LRP4: variants seen among roughly 807,000 people sequenced by gnomAD.
LRP4 encodes LDL receptor related protein 4.
LRP4 carries 95 observed loss-of-function variants against 220.3 expected under a neutral mutation model. The ratio of observed to expected loss-of-function variants is 0.43; its 90% CI spans 0.37 to 0.51. The LOEUF (loss-of-function observed/expected upper bound fraction) is 0.51. Ranked by LOEUF, LRP4 falls within the 20% of genes least tolerant of loss-of-function variation. The pLI, the probability that LRP4 is intolerant of heterozygous loss-of-function variation, is 0.00. For synonymous variants in LRP4, 903 were observed against 954.6 expected (o/e 0.95, Z 1.00); for missense variants, 1,925 against 2,567.0 (o/e 0.75, Z 5.40).
chr11:46,887,286 T>C (rs1346057235), intron 16 of LRP4, among the ~76,000 whole-genome samples: 2 of 152,340 alleles, frequency 1.3e-5, no homozygotes, highest in East Asian at 3.9e-4. Flanking sequence ...CTGACTAATG[T>C]TGCCAAATGT....
At chr11:46,897,099 AC>A (rs1941549365) in intron 7 of LRP4, 105 bp from the exon 8 acceptor site, 1 of 1,422,778 alleles carries the variant, frequency 7.0e-7, no homozygotes, top group African/African-American at 1.4e-5. Flanking sequence ...CACTCTTGAC[AC>A]CGGGATCACA....
intron 15 of LRP4, 200 bp from the exon 16 acceptor site, chr11:46,889,733 TG>T (rs1011673050): frequency 1.2e-6 from 1 of 841,662 alleles, no homozygotes; most frequent in Non-Finnish European, 1.9e-6. Context: ...CTGAATTAGA[TG>T]GGAACGGTGA....
At chr11:46,887,550 T>C (rs998393751) in intron 16 of LRP4, among the ~76,000 whole-genome samples, 1 of 151,084 alleles carries the variant, frequency 6.6e-6, no homozygotes, top group Non-Finnish European at 1.5e-5. Context: ...AATACAAAAT[T>C]CACTGGGCAC....
chr11:46,873,645 T>C lies in LRP4; in HGVS notation c.4230-52A>G, dbSNP rs1940931856. ...GCAACCAGACTGACCCAGAATAGAG[T>C]AGAACTTTAACCCATGTTCCCATAA... On this transcript the variant is annotated intron_variant, in intron 28 of 37. Coordinates refer to ENST00000378623, the MANE Select transcript of LRP4 (RefSeq NM_002334.4). The surrounding 1 kb of genome is among the most constrained non-coding windows in gnomAD (Gnocchi z 4.2). The C allele has an allele frequency of 6.8e-7, 1 of 1,477,076 alleles. No individual in the cohort carries two copies. Among genetic ancestry groups the C allele is most frequent in the East Asian group, 2.3e-5 (1 of 44,038 alleles). The allele number at this position is 1,477,076 out of a possible 1,614,324, so 91.5% of individuals were successfully genotyped here. A position where few individuals can be genotyped will look rare whatever the true frequency, so the allele number is the denominator to read the frequency against.
intron 11 of LRP4, 53 bp from the exon 12 acceptor site, chr11:46,894,872 G>T: frequency 1.4e-6 from 2 of 1,474,888 alleles, no homozygotes; most frequent in Non-Finnish European, 1.9e-6. Flanking sequence ...GCCGCCCCTG[G>T]TACCCATCAG....
At chr11:46,876,417 A>C in intron 25 of LRP4, 49 bp downstream of exon 25, 1 of 1,609,978 alleles carries the variant, frequency 6.2e-7, no homozygotes. Context: ...TCATAACCCC[A>C]GCTGAGCTGG....
At chr11:46,916,999 G>A (rs1357389434) in intron 1 of LRP4, among the ~76,000 whole-genome samples, 1 of 152,226 alleles carries the variant, frequency 6.6e-6, no homozygotes, top group Non-Finnish European at 1.5e-5. Context: ...ACCGCTCTTC[G>A]GAGAGAAAGA....
chr11:46,917,271 T>C (rs1384668864), intron 1 of LRP4, among the ~76,000 whole-genome samples: 1 of 152,154 alleles, frequency 6.6e-6, no homozygotes, highest in Non-Finnish European at 1.5e-5. Context: ...CCAGCTCCCT[T>C]CATCGGGGCT....
In LRP4 at chr11:46,879,172, C is replaced by T. The variant is rs541593593; in HGVS notation, c.2958G>A (p.Leu986=). The T allele has an allele frequency of 1.2e-5, 19 of 1,614,218 alleles. No homozygotes were observed. Among genetic ancestry groups the T allele is most frequent in the Non-Finnish European group, 1.4e-5 (17 of 1,180,042 alleles). The part of the protein sequence containing the change: ...GLDRETLQEN[L]ENLMDIHVFH... ...AGACATGGATGTCCATTAGGTTTTC[C>T]AGGTTCTCCTGCAGAGTCTCCCGGT... The change falls in exon 21 of 38, where the codon CTG becomes CTA. Residue 986 remains leucine, a synonymous_variant. Transcript: ENST00000378623.
chr11:46,873,175 C>G lies in LRP4; in HGVS notation c.4508G>C (p.Gly1503Ala). 1 of 1,614,210 alleles carries G rather than the reference C, an allele frequency of 6.2e-7. No homozygotes were observed. The highest frequency in any genetic ancestry group is 8.5e-7 in the Non-Finnish European group (1 of 1,180,048). ...GTTGATGAGGACCTTCCGCTCAGAA[C>G]CATCCAAGTTTGCCCGTTCGATCTT... is the stretch of plus-strand genomic sequence containing the variant. Reference protein sequence around the residue: ...IAKIERANLDGSERKVLINTD... With the variant: ...IAKIERANLDASERKVLINTD... Residue 1503 changes from glycine to alanine, a missense_variant, in exon 30 of 38, where the codon GGT (glycine) becomes GCT (alanine). This residue lies in a region of LRP4 where 1,244 missense variants were observed against 1,624.9 expected (regional missense o/e 0.77). Transcript: ENST00000378623. This position sits in a 1 kb window ranked among gnomAD's most constrained non-coding sequence, Gnocchi z 4.2.
rs1384548998 is a variant in LRP4, at chr11:46,894,663, AG to A, written c.1465del (p.Leu489TrpfsTer322). On this transcript the variant is annotated frameshift_variant, in exon 12 of 38. Coordinates refer to ENST00000378623, the MANE Select transcript of LRP4 (RefSeq NM_002334.4). LOFTEE classifies it high-confidence loss of function. ...RELVFWSDVT[L>X]DRILRANLNG... The stretch of plus-strand genomic sequence containing the variant: ...GAGGTTGGCACGGAGGATCCGGTCC[AG>A]GGTGACATCTGACCAGAAGACAAGC... The A allele has an allele frequency of 6.2e-7, 1 of 1,614,216 alleles. No homozygotes were observed. Among genetic ancestry groups the A allele is most frequent in the Admixed American group, 1.7e-5 (1 of 60,026 alleles).
intron 18 of LRP4, among the ~76,000 whole-genome samples, chr11:46,885,418 C>T (rs1020822635): frequency 1.3e-5 from 2 of 152,192 alleles, no homozygotes; most frequent in Admixed American, 6.5e-5. Context: ...CCAGCAACCA[C>T]GCTCTGAGTA....
At position 46,918,123 on chromosome 11, in the gene LRP4, C is replaced by A. The variant is rs1480916867; in HGVS notation, c.52+205G>T. Among the ~76,000 whole-genome samples, 1 of 151,920 alleles carries A rather than the reference C, an allele frequency of 6.6e-6. No individual in the cohort carries two copies. Among genetic ancestry groups the A allele is most frequent in the Non-Finnish European group, 1.5e-5 (1 of 67,956 alleles). ...CCGCGCCCCGGCCCAGACCCGAACC[C>A]GCGGAAGCGCCTCCGCTGATGCCCC... On this transcript the variant is annotated intron_variant, in intron 1 of 37. Coordinates refer to ENST00000378623, the MANE Select transcript of LRP4 (RefSeq NM_002334.4). The surrounding 1 kb of genome is among the most constrained non-coding windows in gnomAD (Gnocchi z 6.0).
chr11:46,876,893 G>T, intron 23 of LRP4, 63 bp from the exon 24 acceptor site: 1 of 1,286,114 alleles, frequency 7.8e-7, no homozygotes, highest in Non-Finnish European at 1.1e-6. Flanking sequence ...ACACACAGCT[G>T]ATTCATGTCT....
Position 46,859,081 on chromosome 11 carries a change from T to C in LRP4, c.5620A>G (p.Ser1874Gly). The C allele has an allele frequency of 6.2e-7, 1 of 1,614,190 alleles. No homozygotes were observed. Among genetic ancestry groups the C allele is most frequent in the Non-Finnish European group, 8.5e-7 (1 of 1,180,030 alleles). ...GGAGTGGCTGCAGTATGGACGCTGC[T>C]ACACTCAGACTGCTCTTCCTGTAAC... Reference protein sequence around the residue: ...QLLQEEQSECSSVHTAATPER... With the variant: ...QLLQEEQSECGSVHTAATPER... Residue 1874 changes from serine (S) to glycine (G), a missense_variant, in exon 38 of 38, where the codon AGC becomes GGC. By Grantham distance (56) the Ser-to-Gly change is moderately conservative. Around this residue, in one of 3 missense-constraint regions of LRP4, gnomAD observed 1,244 missense variants for 1,624.9 expected, o/e 0.77. Transcript: ENST00000378623.
Position 46,896,994 on chromosome 11 carries a change from G to A in LRP4, c.797C>T (p.Thr266Ile), listed in dbSNP as rs1207423014. The change falls in exon 8 of 38, where the codon ACC (threonine) becomes ATC (isoleucine). Residue 266 changes from threonine to isoleucine, a missense_variant and splice_region_variant. By Grantham distance (89) the Thr-to-Ile change is moderately conservative. Transcript: ENST00000378623. Reference sequence around the variant, plus strand: ...CTGTTCTGCCGTACACATGGAGGTGGCTGGGCAAAGCAAAGGCTTAATGAA... The same window carrying A: ...CTGTTCTGCCGTACACATGGAGGTGACTGGGCAAAGCAAAGGCTTAATGAA... ...CDDQSDERNC[T>I]TSMCTAEQFR... The A allele has an allele frequency of 6.2e-7, 1 of 1,614,144 alleles. No homozygotes were observed. Among genetic ancestry groups the A allele is most frequent in the Non-Finnish European group, 8.5e-7 (1 of 1,179,982 alleles).
At chr11:46,861,084 A>G in intron 37 of LRP4, 1 of 279,216 alleles carries the variant, frequency 3.6e-6, no homozygotes, top group Non-Finnish European at 5.4e-6. Context: ...AGCATCAGAT[A>G]CTCCAGGAAC....
chr11:46,881,997 A>T, intron 19 of LRP4, 94 bp from the exon 20 acceptor site: 1 of 1,230,292 alleles, frequency 8.1e-7, no homozygotes, highest in South Asian at 1.3e-5. Context: ...TGCCTGAAGC[A>T]GATCCTCATC....
At position 46,891,608 on chromosome 11, in the gene LRP4, G is replaced by T. The variant is rs373639284; in HGVS notation, c.1698-1114C>A. 7.9e-5 allele frequency among the ~76,000 whole-genome samples: 12 copies of T among 152,038 alleles called. 1 individual carries two copies. Among genetic ancestry groups the T allele is most frequent in the Admixed American group, 5.9e-4 (9 of 15,244 alleles). ...ATTTCAGGAGTTTTTCTTTAATTCA[G>T]ATTTCTGAATTTTAAATTTAATTTT... is the stretch of plus-strand genomic sequence containing the variant. On this transcript the variant is annotated intron_variant, in intron 13 of 37. Coordinates refer to ENST00000378623, the MANE Select transcript of LRP4 (RefSeq NM_002334.4).
Sources: allele counts gnomAD v4.1 joint callset (sites outside exome capture counted in the v4.1 genomes callset), GRCh38; gene constraint gnomAD v4.1.1; regional missense constraint gnomAD v4.1.1; non-coding constraint Gnocchi (gnomAD v3.1); transcripts MANE v1.5; gene names NCBI Gene and HGNC (gene_info 2026-07-23, HGNC 2026-07-21).